The following PHLDB2 variants were observed in gnomAD, a reference collection of about 807,000 sequenced individuals.
The protein encoded by PHLDB2 is pleckstrin homology-like domain family B member 2.
Under a neutral mutation model 123.6 loss-of-function variants are expected in PHLDB2, and 71 were observed. The ratio of observed to expected loss-of-function variants is 0.57; its 90% CI spans 0.47 to 0.70. The LOEUF (loss-of-function observed/expected upper bound fraction) is 0.70, where lower values mean the gene tolerates loss of function less well. Among genes scored for constraint, PHLDB2 ranks in the 30% least tolerant of loss-of-function variants. The pLI is 0.00. For synonymous variants in PHLDB2, 547 were observed against 541.6 expected, an observed-to-expected ratio of 1.01 and a Z score of -0.14; for missense variants, 1,446 against 1,519.5, an observed-to-expected ratio of 0.95 and a Z score of 0.80.
In PHLDB2 at chr3:111,893,100, C is replaced by G. The variant is rs548838651; in HGVS notation, c.1335+7688C>G. ...TTCCTAGTGAGTCCTGACCACCCCC[C>G]CAAAATAAGTTGGGCATTCAGACCT... On this transcript the variant is annotated intron_variant, in intron 2 of 17. Coordinates refer to ENST00000431670, the MANE Select transcript of PHLDB2 (RefSeq NM_001134438.2). Among the ~76,000 whole-genome samples the G allele has an allele frequency of 4.6e-5, 7 of 152,006 alleles. No individual in the cohort carries two copies. In the East Asian group the frequency reaches 1.2e-3, roughly 25 times the overall value.
intron 1 of PHLDB2, among the ~76,000 whole-genome samples, chr3:111,830,808 C>CA (rs11475835): frequency 0.028 from 1,463 of 53,006 alleles, 32 homozygotes; most frequent in Middle Eastern, 0.065. Flanking sequence ...GACTCCGTCT[C>CA]AAAAAAAAAA....
intron 1 of PHLDB2, among the ~76,000 whole-genome samples, chr3:111,783,715 C>T (rs147228769): frequency 6.6e-6 from 1 of 152,176 alleles, no homozygotes; most frequent in East Asian, 1.9e-4. Context: ...CTGTTGATCA[C>T]TAGCAAAATT....
At chr3:111,905,563 G>T (rs1207586843) in intron 2 of PHLDB2, among the ~76,000 whole-genome samples, 2 of 152,020 alleles carry the variant, frequency 1.3e-5, no homozygotes, top group African/African-American at 4.8e-5. Flanking sequence ...CACCATGTTG[G>T]CCAGGCTGGT....
intron 1 of PHLDB2, among the ~76,000 whole-genome samples, chr3:111,810,995 C>T (rs1191499434): frequency 1.3e-5 from 2 of 152,082 alleles, no homozygotes; most frequent in African/African-American, 4.8e-5. Flanking sequence ...AGGTAAATGG[C>T]CCAGATACAT....
intron 1 of PHLDB2, among the ~76,000 whole-genome samples, chr3:111,795,672 T>C (rs981800851): frequency 6.6e-6 from 1 of 152,238 alleles, no homozygotes; most frequent in South Asian, 2.1e-4. Context: ...TGGATAATCA[T>C]TCAACATGCC....
chr3:111,889,793 C>G (rs1028834069), intron 2 of PHLDB2, among the ~76,000 whole-genome samples: 6 of 152,142 alleles, frequency 3.9e-5, no homozygotes, highest in African/African-American at 1.2e-4. Flanking sequence ...ATTTATCTAA[C>G]TACTTGATAA....
chr3:111,968,733 C>A (rs373655633), intron 15 of PHLDB2, among the ~76,000 whole-genome samples: 3 of 152,052 alleles, frequency 2.0e-5, no homozygotes, highest in Non-Finnish European at 4.4e-5. Context: ...CATAATCAAA[C>A]GTTAAGTATT....
chr3:111,902,084 T>C (rs755690563), intron 2 of PHLDB2, among the ~76,000 whole-genome samples: 18 of 152,216 alleles, frequency 1.2e-4, no homozygotes, highest in Non-Finnish European at 2.6e-4. Context: ...CATCTGCTGG[T>C]TGATTTTAAG....
chr3:111,965,567 G>A lies in PHLDB2; in HGVS notation c.3078-1046G>A, dbSNP rs977098221. 5.9e-5 allele frequency among the ~76,000 whole-genome samples: 9 copies of A among 152,134 alleles called. No individual in the cohort carries two copies. In the East Asian group the frequency reaches 1.3e-3, roughly 23 times the overall value. On this transcript the variant is annotated intron_variant, in intron 13 of 17. Coordinates refer to ENST00000431670, the MANE Select transcript of PHLDB2 (RefSeq NM_001134438.2). ...TTAATGAATTTATTTTTATATGAAT[G>A]TGTCTAACAAACATGTATCCCTACT...
At chr3:111,796,409 A>G (rs1012523918) in intron 1 of PHLDB2, among the ~76,000 whole-genome samples, 3 of 152,250 alleles carry the variant, frequency 2.0e-5, no homozygotes, top group African/African-American at 7.2e-5. Flanking sequence ...TCAAGCTGCT[A>G]TCATCCTGAT....
intron 2 of PHLDB2, among the ~76,000 whole-genome samples, chr3:111,904,253 G>A (rs890776651): frequency 1.6e-4 from 19 of 120,496 alleles, no homozygotes; most frequent in African/African-American, 5.6e-4. Context: ...ACTATAGCCT[G>A]GGTGACAGAG....
At chr3:111,766,880 A>G (rs563074867) in intron 1 of PHLDB2, among the ~76,000 whole-genome samples, 98 of 152,200 alleles carry the variant, frequency 6.4e-4, no homozygotes, top group Non-Finnish European at 1.2e-3. Context: ...TAAAAATACA[A>G]AATTACCAGG....
Position 111,884,266 on chromosome 3 carries a change from A to G in PHLDB2, c.189A>G (p.Ser63=). Residue 63 remains serine (S), a synonymous_variant, in exon 2 of 18, where the codon TCA becomes TCG. Transcript: ENST00000431670. ...GDYSGSYLTL[S]QPVPAKRSPS... ...ATTCTGGCTCCTATTTAACCCTCTC[A>G]CAACCTGTGCCTGCAAAGAGAAGCC... 1 of 1,614,202 alleles carries G rather than the reference A, an allele frequency of 6.2e-7. No homozygotes were observed. Among genetic ancestry groups the G allele is most frequent in the South Asian group, 1.1e-5 (1 of 91,088 alleles).
chr3:111,902,559 G>C (rs1439277586), intron 2 of PHLDB2, among the ~76,000 whole-genome samples: 1 of 152,124 alleles, frequency 6.6e-6, no homozygotes, highest in Admixed American at 6.5e-5. Context: ...AATAAAACAG[G>C]CACATAGCCA....
intron 6 of PHLDB2, among the ~76,000 whole-genome samples, chr3:111,938,919 T>A (rs1164019560): frequency 6.6e-6 from 1 of 152,160 alleles, no homozygotes; most frequent in Non-Finnish European, 1.5e-5. Context: ...GCAATTCTCC[T>A]GTCTCAGCCT....
intron 1 of PHLDB2, 126 bp from the exon 2 acceptor site, chr3:111,883,938 T>C: frequency 1.2e-6 from 1 of 852,604 alleles, no homozygotes; most frequent in Non-Finnish European, 1.8e-6. Context: ...TTAGTAAAAC[T>C]GAGTTTGTGT....
At chr3:111,792,139 T>A (rs951772936) in intron 1 of PHLDB2, among the ~76,000 whole-genome samples, 1 of 152,240 alleles carries the variant, frequency 6.6e-6, no homozygotes, top group Non-Finnish European at 1.5e-5. Flanking sequence ...TGTTGATTAC[T>A]GTCTTTTTGC....
At chr3:111,953,291 G>A (rs1395316346) in intron 11 of PHLDB2, among the ~76,000 whole-genome samples, 1 of 152,112 alleles carries the variant, frequency 6.6e-6, no homozygotes, top group Non-Finnish European at 1.5e-5. Flanking sequence ...AGGTTCTGCC[G>A]ACATGCCTGA....
chr3:111,824,330 G>A (rs756430796), intron 1 of PHLDB2, among the ~76,000 whole-genome samples: 6 of 152,102 alleles, frequency 3.9e-5, no homozygotes, highest in Non-Finnish European at 7.4e-5. Context: ...GGCTGTTAAT[G>A]GTGGCCTAAA....
Sources: gnomAD v4.1 joint callset for allele counts (sites outside exome capture counted in the v4.1 genomes callset) on GRCh38, gnomAD v4.1.1 for gene constraint, MANE v1.5 for transcripts, NCBI Gene and HGNC (gene_info 2026-07-23, HGNC 2026-07-21) for gene names.